SULT1C3: variants seen among roughly 807,000 people sequenced by gnomAD.
SULT1C3 encodes the protein sulfotransferase 1C3.
In SULT1C3, 31 loss-of-function variants were observed where a neutral mutation model predicts 28.4. The ratio of observed to expected loss-of-function variants is 1.09; its 90% CI spans 0.82 to 1.47. The LOEUF (loss-of-function observed/expected upper bound fraction) is 1.47, where lower values mean the gene tolerates loss of function less well. Ranked by LOEUF, SULT1C3 falls within the 40% of genes most tolerant of loss-of-function variation. SULT1C3 has a pLI of 0.00. For synonymous variants in SULT1C3, 106 were observed against 92.2 expected (o/e 1.15, Z -0.86); for missense variants, 307 against 272.5 (o/e 1.13, Z -0.89).
intron 4 of SULT1C3, among the ~76,000 whole-genome samples, chr2:108,255,064 C>T (rs1320651519): frequency 1.3e-5 from 2 of 151,918 alleles, no homozygotes; most frequent in African/African-American, 2.4e-5. Context: ...CTATTCTCTC[C>T]TTACCTAACT....
chr2:108,261,488 A>G (rs1212925623), downstream of SULT1C3, among the ~76,000 whole-genome samples: 2 of 152,140 alleles, frequency 1.3e-5, no homozygotes, highest in African/African-American at 4.8e-5. Context: ...ATATAAATTT[A>G]GTGCTTCAAC....
chr2:108,246,773 T>C (rs1313555579), intron 1 of SULT1C3, among the ~76,000 whole-genome samples: 1 of 152,224 alleles, frequency 6.6e-6, no homozygotes, highest in African/African-American at 2.4e-5. Flanking sequence ...TTGTCTCGCT[T>C]CTAATTATAC....
chr2:108,246,022 A>G (rs1401706120), intron 1 of SULT1C3, among the ~76,000 whole-genome samples: 4 of 152,208 alleles, frequency 2.6e-5, no homozygotes, highest in Non-Finnish European at 5.9e-5. Context: ...TTTTTAGGGC[A>G]GGGGCAAAAA....
chr2:108,257,773 G>A (rs1675913514), intron 5 of SULT1C3, among the ~76,000 whole-genome samples: 1 of 151,932 alleles, frequency 6.6e-6, no homozygotes, highest in Non-Finnish European at 1.5e-5. Context: ...ATATAATTTG[G>A]TACTATCTGT....
intron 4 of SULT1C3, among the ~76,000 whole-genome samples, chr2:108,253,846 C>T (rs184191382): frequency 6.6e-6 from 1 of 152,080 alleles, no homozygotes; most frequent in East Asian, 1.9e-4. Flanking sequence ...TCAAGGCTTC[C>T]ACACCTCCAT....
At chr2:108,261,931 G>A (rs571980140), downstream of SULT1C3, among the ~76,000 whole-genome samples, 2 of 152,224 alleles carry the variant, frequency 1.3e-5, no homozygotes, top group Admixed American at 1.3e-4. Context: ...AAAGAGAGCA[G>A]CTGGTCCCTA....
intron 1 of SULT1C3, among the ~76,000 whole-genome samples, 170 bp from the exon 2 acceptor site, chr2:108,247,018 A>G (rs1171939628): frequency 6.6e-6 from 1 of 152,210 alleles, no homozygotes; most frequent in Non-Finnish European, 1.5e-5. Flanking sequence ...TGTGGTTGCT[A>G]TGAAGATTAA....
At chr2:108,257,489 A>G (rs1380468395) in intron 5 of SULT1C3, among the ~76,000 whole-genome samples, 1 of 152,074 alleles carries the variant, frequency 6.6e-6, no homozygotes, top group Admixed American at 6.6e-5. Context: ...ACACACATAC[A>G]TATACATGGA....
intron 5 of SULT1C3, among the ~76,000 whole-genome samples, chr2:108,257,680 T>C (rs969384808): frequency 2.6e-5 from 4 of 152,080 alleles, no homozygotes; most frequent in Non-Finnish European, 5.9e-5. Context: ...ATTAGTTTTG[T>C]TGTAATTCAC....
At chr2:108,248,202 C>G (rs1675634683) in intron 2 of SULT1C3, among the ~76,000 whole-genome samples, 1 of 152,072 alleles carries the variant, frequency 6.6e-6, no homozygotes, top group Non-Finnish European at 1.5e-5. Flanking sequence ...CTCACAGTAG[C>G]CACATTTGGG....
At chr2:108,242,354 G>A (rs1675480228) in intron 1 of SULT1C3, among the ~76,000 whole-genome samples, 1 of 152,154 alleles carries the variant, frequency 6.6e-6, no homozygotes, top group South Asian at 2.1e-4. Context: ...TTTTTCATTT[G>A]CCAGTTTTTT....
chr2:108,251,599 G>A (rs1456112625), intron 2 of SULT1C3, among the ~76,000 whole-genome samples: 4 of 151,976 alleles, frequency 2.6e-5, no homozygotes, highest in African/African-American at 9.7e-5. Context: ...CAGTTTATGG[G>A]AAATAGAGGA....
chr2:108,252,058 C>T (rs1332267386), intron 2 of SULT1C3, among the ~76,000 whole-genome samples: 4 of 151,310 alleles, frequency 2.6e-5, no homozygotes, highest in African/African-American at 7.3e-5. Flanking sequence ...GATAGATAGA[C>T]AGATAATAGG....
At chr2:108,259,849 G>A (rs1675976892) in intron 7 of SULT1C3, among the ~76,000 whole-genome samples, 1 of 152,172 alleles carries the variant, frequency 6.6e-6, no homozygotes, top group Admixed American at 6.5e-5. Flanking sequence ...GCTATACTAG[G>A]AATTCCCTAA....
downstream of SULT1C3, chr2:108,264,964 C>CCAG: frequency 6.2e-7 from 1 of 1,613,766 alleles, no homozygotes; most frequent in Non-Finnish European, 8.5e-7. Flanking sequence ...ACTTTGCCCA[C>CCAG]CAGCATTATG....
At chr2:108,240,315 T>C (rs1364529819) in intron 1 of SULT1C3, among the ~76,000 whole-genome samples, 2 of 152,244 alleles carry the variant, frequency 1.3e-5, no homozygotes, top group African/African-American at 4.8e-5. Context: ...TCTATTTAGA[T>C]ATCTTTCCCT....
In SULT1C3 at chr2:108,253,448, AAG is replaced by A; in HGVS notation, c.399+9_399+10del. 1 of 1,464,346 alleles carries A rather than the reference AAG, an allele frequency of 6.8e-7. No individual in the cohort carries two copies. The highest frequency in any genetic ancestry group is 9.1e-7 in the Non-Finnish European group (1 of 1,095,316). 90.7% of individuals were successfully genotyped at this position (1,464,346 alleles called of 1,614,324 possible). A position where few individuals can be genotyped will look rare whatever the true frequency, so the allele number is the denominator to read the frequency against. On this transcript the variant is annotated splice_region_variant and intron_variant, in intron 4 of 7. Transcript: ENST00000681802. Reference sequence around the variant, plus strand: ...TCTGGAAAGAAAACTGCAAGGTATAAAGAGGGGGCTTTTCAAACTTCTCTTAG... The same window carrying A: ...TCTGGAAAGAAAACTGCAAGGTATAAAGGGGGCTTTTCAAACTTCTCTTAG...
At chr2:108,261,180 T>A (rs977531029), downstream of SULT1C3, among the ~76,000 whole-genome samples, 5 of 152,126 alleles carry the variant, frequency 3.3e-5, no homozygotes, top group African/African-American at 1.2e-4. Flanking sequence ...GATATAAAAA[T>A]AAATTACTAC....
At chr2:108,264,723 A>G, downstream of SULT1C3, 2 of 1,182,730 alleles carry the variant, frequency 1.7e-6, no homozygotes, top group Non-Finnish European at 2.4e-6. Context: ...ATGTGTTCAA[A>G]TGATCCTTTA....
Sources: gnomAD v4.1 joint callset for allele counts (sites outside exome capture counted in the v4.1 genomes callset) on GRCh38, gnomAD v4.1.1 for gene constraint, MANE v1.5 for transcripts, NCBI Gene and HGNC (gene_info 2026-07-23, HGNC 2026-07-21) for gene names.